NEMP1: variants seen among roughly 807,000 people sequenced by gnomAD.
NEMP1 encodes transmembrane protein 194.
NEMP1 carries 29 observed loss-of-function variants against 53.7 expected under a neutral mutation model. That is an observed-to-expected ratio of 0.54 (90% CI 0.40 to 0.74). The LOEUF (loss-of-function observed/expected upper bound fraction) is 0.74, where lower values mean the gene tolerates loss of function less well. NEMP1 is among the 30% of genes least tolerant of loss of function. NEMP1 has a pLI of 0.00. For synonymous variants in NEMP1, 193 were observed against 192.9 expected, an observed-to-expected ratio of 1.00 and a Z score of 0.00; for missense variants, 477 against 528.6, an observed-to-expected ratio of 0.90 and a Z score of 0.96.
At chr12:57,067,294 A>G (rs1178348659) in intron 4 of NEMP1, among the ~76,000 whole-genome samples, 2 of 151,960 alleles carry the variant, frequency 1.3e-5, no homozygotes, top group African/African-American at 2.4e-5. Flanking sequence ...ACTACACTCC[A>G]GCCTGGGCGA....
Position 57,057,373 on chromosome 12 carries a change from A to G in NEMP1, c.*2506T>C, listed in dbSNP as rs2031576492. Reference sequence around the variant, plus strand: ...AGACTGTACTGAAATCACAAGAGCTATAACTGCCAGAGAAAAATTAAATGG... The same window carrying G: ...AGACTGTACTGAAATCACAAGAGCTGTAACTGCCAGAGAAAAATTAAATGG... On this transcript the variant is annotated 3_prime_UTR_variant, in exon 9 of 9. Coordinates refer to ENST00000300128, the MANE Select transcript of NEMP1 (RefSeq NM_001130963.2). The G allele has an allele frequency of 6.6e-6, 1 of 152,318 alleles. No individual in the cohort carries two copies. The allele number at this position is 152,318 out of a possible 1,614,324, so 9.4% of individuals were successfully genotyped here.
At chr12:57,060,413 C>A (rs2031742357) in intron 8 of NEMP1, among the ~76,000 whole-genome samples, 1 of 152,108 alleles carries the variant, frequency 6.6e-6, no homozygotes, top group Non-Finnish European at 1.5e-5. Context: ...AAACTTTATG[C>A]CATCATGATT....
Position 57,064,497 on chromosome 12 carries a change from C to A in NEMP1, c.639+149G>T, listed in dbSNP as rs180698447. ...TTTGTAATCAGGCTCCAAGTTTCAT[C>A]GTGGAAAGTACCTTTCTGAATCAAG... On this transcript the variant is annotated intron_variant, in intron 5 of 8. Transcript: ENST00000300128. 36 of 558,446 alleles carry A rather than the reference C, an allele frequency of 6.4e-5. No homozygotes were observed. In the South Asian group the frequency reaches 9.7e-4, roughly 15 times the overall value. 34.6% of individuals were successfully genotyped at this position (558,446 alleles called of 1,614,324 possible).
At chr12:57,083,003 G>T (rs1400383528), upstream of NEMP1, among the ~76,000 whole-genome samples, 4 of 152,122 alleles carry the variant, frequency 2.6e-5, no homozygotes. Context: ...AGGTGACAGA[G>T]TGAGACCCTG....
At chr12:57,081,321 G>A (rs373909070), upstream of NEMP1, among the ~76,000 whole-genome samples, 25 of 151,942 alleles carry the variant, frequency 1.6e-4, no homozygotes. Flanking sequence ...TTGGCTCACC[G>A]CAACCTCCCC....
In NEMP1 at chr12:57,064,754, T is replaced by C; in HGVS notation, c.546-15A>G. Reference sequence around the variant, plus strand: ...AAATTTGACTTCTGCAGGAAAAAAATGTATTTCATGACCATATGTATATAT... The same window carrying C: ...AAATTTGACTTCTGCAGGAAAAAAACGTATTTCATGACCATATGTATATAT... On this transcript the variant is annotated splice_polypyrimidine_tract_variant and intron_variant, in intron 4 of 8. Transcript: ENST00000300128. The C allele has an allele frequency of 1.3e-6, 2 of 1,581,550 alleles. No homozygotes were observed. Among genetic ancestry groups the C allele is most frequent in the Admixed American group, 3.4e-5 (2 of 59,282 alleles).
intron 1 of NEMP1, among the ~76,000 whole-genome samples, chr12:57,076,519 T>A (rs1453632867): frequency 1.3e-5 from 2 of 151,318 alleles, no homozygotes; most frequent in South Asian, 2.1e-4. Context: ...CAAAATTAGC[T>A]GAGTGTGGCT....
At chr12:57,075,699 G>A (rs1393246751) in intron 1 of NEMP1, among the ~76,000 whole-genome samples, 1 of 151,770 alleles carries the variant, frequency 6.6e-6, no homozygotes, top group African/African-American at 2.4e-5. Context: ...AGGCACGGTG[G>A]CTCACACCTG....
At chr12:57,063,055 C>T in intron 7 of NEMP1, 64 bp downstream of exon 7, 1 of 1,309,520 alleles carries the variant, frequency 7.6e-7, no homozygotes, top group Non-Finnish European at 1.1e-6. Flanking sequence ...CCTCTGTATC[C>T]TCTTGCTGCA....
intron 4 of NEMP1, among the ~76,000 whole-genome samples, chr12:57,066,978 CTTCTTT>C (rs1383477862): frequency 6.6e-6 from 1 of 152,196 alleles, no homozygotes; most frequent in African/African-American, 2.4e-5. Context: ...GTCCATTAAA[CTTCTTT>C]TTCTTTATAA....
At chr12:57,078,024 G>A (rs1255127343) in intron 1 of NEMP1, among the ~76,000 whole-genome samples, 3 of 152,216 alleles carry the variant, frequency 2.0e-5, no homozygotes, top group East Asian at 3.9e-4. Context: ...GGAGGTTGCA[G>A]TGAGCGAGAT....
chr12:57,069,399 C>T (rs1680136376), intron 3 of NEMP1, 93 bp from the exon 4 acceptor site: 2 of 796,672 alleles, frequency 2.5e-6, no homozygotes, highest in African/African-American at 1.8e-5. Flanking sequence ...TGGTCAGCTA[C>T]AGTAAAAATA....
intron 1 of NEMP1, 34 bp downstream of exon 1, chr12:57,078,585 C>A (rs770157831): frequency 6.4e-5 from 102 of 1,593,156 alleles, no homozygotes; most frequent in Non-Finnish European, 8.7e-5. Flanking sequence ...CCCCTCGGCA[C>A]CTGCCCCCTT....
In NEMP1 at chr12:57,063,318, T is replaced by C. The variant is rs2031911593; in HGVS notation, c.781A>G (p.Ser261Gly). ...CCATACTTGTAACATACTGCAAAAC[T>C]CATGAATCCAACTGTGAGGACATAA... Reference protein sequence around the residue: ...LSYVLTVGFMSFAVCYKYGPL... With the variant: ...LSYVLTVGFMGFAVCYKYGPL... Residue 261 changes from serine to glycine, a missense_variant, in exon 7 of 9, where the codon AGT becomes GGT. Coordinates refer to ENST00000300128, the MANE Select transcript of NEMP1 (RefSeq NM_001130963.2). 1 of 1,614,054 alleles carries C rather than the reference T, an allele frequency of 6.2e-7. No homozygotes were observed. Among genetic ancestry groups the C allele is most frequent in the African/African-American group, 1.3e-5 (1 of 74,918 alleles).
At position 57,078,701 on chromosome 12, in the gene NEMP1, G is replaced by C; in HGVS notation, c.45C>G (p.Pro15=). The C allele has an allele frequency of 6.2e-7, 1 of 1,613,310 alleles. No individual in the cohort carries two copies. The highest frequency in any genetic ancestry group is 8.5e-7 in the Non-Finnish European group (1 of 1,179,610). ...MKVAVSPAVG[P]GPWGSGVGGG... ...CCCCGACTCCCGAGCCCCAGGGCCC[G>C]GGACCAACTGCCGGCGAGACCGCCA... Residue 15 remains proline, a synonymous_variant, in exon 1 of 9, where the codon CCC becomes CCG. Transcript: ENST00000300128.
At chr12:57,070,927 G>A in intron 2 of NEMP1, 34 bp from the exon 3 acceptor site, 2 of 1,533,622 alleles carry the variant, frequency 1.3e-6, no homozygotes, top group Non-Finnish European at 1.8e-6. Flanking sequence ...TGAGAAAAAA[G>A]GAAGTAGGAA....
At chr12:57,064,273 TA>T in intron 5 of NEMP1, 88 bp from the exon 6 acceptor site, 8 of 785,388 alleles carry the variant, frequency 1.0e-5, no homozygotes, top group Admixed American at 1.0e-4. Flanking sequence ...ATTTTTTTTT[TA>T]AAAAATTCAA....
Position 57,059,761 on chromosome 12 carries a change from A to G in NEMP1, c.*118T>C. 1.1e-6 allele frequency: 1 copy of G among 898,558 alleles called. No individual in the cohort carries two copies. The highest frequency in any genetic ancestry group is 1.6e-6 in the Non-Finnish European group (1 of 610,024). 55.7% of individuals were successfully genotyped at this position (898,558 alleles called of 1,614,324 possible). ...GCCTTTTTAGGCCTCTTATTTCAGTAGGAGAATTTCTACCCTATCTATCTC... is the reference window on the plus strand; with the variant it reads ...GCCTTTTTAGGCCTCTTATTTCAGTGGGAGAATTTCTACCCTATCTATCTC... On this transcript the variant is annotated 3_prime_UTR_variant, in exon 9 of 9. Coordinates refer to ENST00000300128, the MANE Select transcript of NEMP1 (RefSeq NM_001130963.2).
At chr12:57,069,115 G>T in intron 4 of NEMP1, 119 bp downstream of exon 4, 1 of 588,560 alleles carries the variant, frequency 1.7e-6, no homozygotes, top group South Asian at 3.2e-5. Flanking sequence ...TATCCAAGCA[G>T]GCAACGGCCA....
Sources: gnomAD v4.1 joint callset for allele counts (sites outside exome capture counted in the v4.1 genomes callset) on GRCh38, gnomAD v4.1.1 for gene constraint, MANE v1.5 for transcripts, NCBI Gene and HGNC (gene_info 2026-07-23, HGNC 2026-07-21) for gene names.